RYR2: variants seen among roughly 807,000 people sequenced by gnomAD.
The protein encoded by RYR2 is cardiac muscle ryanodine receptor-calcium release channel.
RYR2 carries 227 observed loss-of-function variants against 601.1 expected under a neutral mutation model. The ratio of observed to expected loss-of-function variants is 0.38; its 90% confidence interval spans 0.34 to 0.42. The LOEUF is 0.42. Among genes scored for constraint, RYR2 ranks in the 10% least tolerant of loss-of-function variants. The pLI is 1.00. For missense variants in RYR2, 4,646 were observed against 6,156.5 expected, an observed-to-expected ratio of 0.75 and a Z score of 8.21; for synonymous variants, 2,223 against 2,175.1, an observed-to-expected ratio of 1.02 and a Z score of -0.61.
chr1:237,740,982 C>T (rs892019749), intron 79 of RYR2, among the ~76,000 whole-genome samples: 1 of 152,122 alleles, frequency 6.6e-6, no homozygotes, highest in Non-Finnish European at 1.5e-5. Context: ...TGACTAATAA[C>T]ATGGGAGACA....
chr1:237,223,524 G>A (rs1684048703), intron 1 of RYR2, among the ~76,000 whole-genome samples: 1 of 152,160 alleles, frequency 6.6e-6, no homozygotes, highest in Admixed American at 6.5e-5. Context: ...CTTTATTCCT[G>A]TAGTTGGTAT....
chr1:237,371,695 C>T (rs989660973), intron 6 of RYR2, among the ~76,000 whole-genome samples: 9 of 152,080 alleles, frequency 5.9e-5, no homozygotes, highest in African/African-American at 1.9e-4. Flanking sequence ...GGCACATATA[C>T]GCCATGGAAT....
chr1:237,780,052 G>GGAGT (rs1694971556), intron 88 of RYR2, among the ~76,000 whole-genome samples: 1 of 152,172 alleles, frequency 6.6e-6, no homozygotes, highest in Non-Finnish European at 1.5e-5. Flanking sequence ...TTATCAGCCT[G>GGAGT]GAGTTTTCCC....
intron 79 of RYR2, among the ~76,000 whole-genome samples, chr1:237,739,061 A>G (rs887128157): frequency 6.6e-6 from 1 of 152,168 alleles, no homozygotes; most frequent in Non-Finnish European, 1.5e-5. Flanking sequence ...TTGGCTAGGT[A>G]CTTTTCTGTA....
At chr1:237,050,352 G>A (rs1661099516) in intron 1 of RYR2, among the ~76,000 whole-genome samples, 1 of 152,232 alleles carries the variant, frequency 6.6e-6, no homozygotes, top group Non-Finnish European at 1.5e-5. Context: ...CTGAGTCTGG[G>A]AAGGGCTGAG....
At chr1:237,485,965 G>A (rs1572543148) in intron 17 of RYR2, among the ~76,000 whole-genome samples, 2 of 152,140 alleles carry the variant, frequency 1.3e-5, no homozygotes, top group Admixed American at 6.5e-5. Context: ...GTTGGGGAGG[G>A]AGGAGAAACT....
rs375250580 is a variant in RYR2, at chr1:237,700,834, T to C, written c.9367+367T>C. On this transcript the variant is annotated intron_variant, in intron 65 of 104. Transcript: ENST00000366574. Reference sequence around the variant, plus strand: ...TGTTTTCAAATTATTTCTGAGTCAATGTAGATTGTTTCTCCAAGCTTGACA... The same window carrying C: ...TGTTTTCAAATTATTTCTGAGTCAACGTAGATTGTTTCTCCAAGCTTGACA... Among the ~76,000 whole-genome samples, 361 of 152,294 alleles carry C rather than the reference T, an allele frequency of 2.4e-3. 1 individual carries two copies. The highest frequency in any genetic ancestry group is 8.0e-3 in the African/African-American group (331 of 41,574).
At chr1:237,100,217 A>G (rs1324049892) in intron 1 of RYR2, among the ~76,000 whole-genome samples, 3 of 152,190 alleles carry the variant, frequency 2.0e-5, no homozygotes, top group African/African-American at 7.2e-5. Flanking sequence ...GAAATAGATG[A>G]GGTGAAAGAG....
intron 8 of RYR2, among the ~76,000 whole-genome samples, chr1:237,380,363 T>A (rs1455587035): frequency 3.8e-4 from 1 of 2,606 alleles, no homozygotes; most frequent in Non-Finnish European, 7.6e-4. Flanking sequence ...TACACAAATA[T>A]ATATATATAT....
chr1:237,367,240 C>T lies in RYR2; in HGVS notation c.310-2294C>T, dbSNP rs750582829. 8.5e-5 allele frequency among the ~76,000 whole-genome samples: 13 copies of T among 152,170 alleles called. No homozygotes were observed. In the East Asian group the frequency reaches 1.4e-3, roughly 16 times the overall value. On this transcript the variant is annotated intron_variant, in intron 5 of 104. Transcript: ENST00000366574. ...TCCTGAAAGTAGCTGGGATTACAGG[C>T]GCCCGCCACCATGCCCAGCTAATTT... is the stretch of plus-strand genomic sequence containing the variant.
rs181144366 is a variant in RYR2 at position 237,416,708 on chromosome 1, G to C, written c.774-341G>C. Among the ~76,000 whole-genome samples, 413 of 147,176 alleles carry C rather than the reference G, an allele frequency of 2.8e-3. 3 individuals carry two copies. The highest frequency in any genetic ancestry group is 9.2e-3 in the African/African-American group (373 of 40,466). Reference sequence around the variant, plus strand: ...ACTTTCATGGACCTAAGTTAGATGAGTAAGGTGAAATCTATTCACTGGGAG... The same window carrying C: ...ACTTTCATGGACCTAAGTTAGATGACTAAGGTGAAATCTATTCACTGGGAG... On this transcript the variant is annotated intron_variant, in intron 10 of 104. Coordinates refer to ENST00000366574, the MANE Select transcript of RYR2 (RefSeq NM_001035.3).
chr1:237,641,467 GTCTGTCTTTCTTTCTTTCTTTCTTTCTT>G lies in RYR2; in HGVS notation c.7221+469_7221+496del, dbSNP rs1360916557. ...ATTTAGACCATATAAATTAGTGTCT[GTCTGTCTTTCTTTCTTTCTTTCTTTCTT>G]TCTTTCTTTCTTTCTTTCTTTCTTT... On this transcript the variant is annotated intron_variant, in intron 47 of 104. Coordinates refer to ENST00000366574, the MANE Select transcript of RYR2 (RefSeq NM_001035.3). Among the ~76,000 whole-genome samples the G allele has an allele frequency of 3.1e-3, 361 of 117,264 alleles. 3 individuals carry two copies. Among genetic ancestry groups the G allele is most frequent in the South Asian group, 8.2e-3 (31 of 3,770 alleles). The allele number at this position is 117,264 out of a possible 152,430, so 76.9% of individuals were successfully genotyped here. A position where few individuals can be genotyped will look rare whatever the true frequency, so the allele number is the denominator to read the frequency against.
chr1:237,489,230 C>G, intron 17 of RYR2, among the ~76,000 whole-genome samples: 1 of 152,270 alleles, frequency 6.6e-6, no homozygotes, highest in Middle Eastern at 3.4e-3. Context: ...TGAACAGACA[C>G]TTCTCAAAAG....
chr1:237,066,141 A>AAAAGAGC, intron 1 of RYR2, among the ~76,000 whole-genome samples: 1 of 152,304 alleles, frequency 6.6e-6, no homozygotes, highest in African/African-American at 2.4e-5. Context: ...CATTCAGCGA[A>AAAAGAGC]ATGCTCTTTT....
intron 8 of RYR2, among the ~76,000 whole-genome samples, chr1:237,385,263 G>GCA (rs1701876182): frequency 6.6e-6 from 1 of 152,080 alleles, no homozygotes; most frequent in South Asian, 2.1e-4. Context: ...CCATAAATAT[G>GCA]TATATATTTT....
At chr1:237,759,362 G>A (rs2819765) in intron 82 of RYR2, among the ~76,000 whole-genome samples, 56,689 of 151,870 alleles carry the variant, frequency 0.37, 11,303 homozygotes, top group East Asian at 0.68. Flanking sequence ...CTGGGATTAC[G>A]GGTGTGAACC....
At chr1:237,173,866 C>T (rs1300131368) in intron 1 of RYR2, among the ~76,000 whole-genome samples, 5 of 152,138 alleles carry the variant, frequency 3.3e-5, no homozygotes, top group Non-Finnish European at 5.9e-5. Context: ...ACCATCCTGG[C>T]TAACATGGTG....
Position 237,387,376 on chromosome 1 carries a change from C to T in RYR2, c.672C>T (p.Ala224=). The T allele has an allele frequency of 1.9e-6, 3 of 1,613,742 alleles. No homozygotes were observed. Among genetic ancestry groups the T allele is most frequent in the Non-Finnish European group, 2.5e-6 (3 of 1,179,756 alleles). Residue 224 remains alanine (A), a synonymous_variant, in exon 9 of 105, where the codon GCC becomes GCT. Transcript: ENST00000366574. ...CAATCAGCTCAGGAAGTGAGGCAGCCCAAGGTAAAAACTCCACTTCAATTA... is the reference window on the plus strand; with the variant it reads ...CAATCAGCTCAGGAAGTGAGGCAGCTCAAGGTAAAAACTCCACTTCAATTA... ...VAPISSGSEA[A]QGYLIGGDVL...
chr1:237,337,358 TA>T (rs1234207789), intron 3 of RYR2, among the ~76,000 whole-genome samples: 1 of 152,160 alleles, frequency 6.6e-6, no homozygotes, highest in Non-Finnish European at 1.5e-5. Context: ...AATTACTTTT[TA>T]AAAGTACATT....
Sources: allele counts gnomAD v4.1 joint callset (sites outside exome capture counted in the v4.1 genomes callset), GRCh38; gene constraint gnomAD v4.1.1; transcripts MANE v1.5; gene names NCBI Gene and HGNC (gene_info 2026-07-23, HGNC 2026-07-21).